The following ANKRD18A variants were observed in gnomAD, a reference collection of about 807,000 sequenced individuals.
ANKRD18A encodes ankyrin repeat domain 18A.
In ANKRD18A, 72 loss-of-function variants were observed where a neutral mutation model predicts 110.6. The ratio of observed to expected loss-of-function variants is 0.65; its 90% confidence interval spans 0.54 to 0.79. The LOEUF is 0.79. Among genes scored for constraint, ANKRD18A ranks in the 30% least tolerant of loss-of-function variants. The pLI is 0.00. For missense variants in ANKRD18A, 934 were observed against 1,163.3 expected, an observed-to-expected ratio of 0.80 and a Z score of 2.87; for synonymous variants, 305 against 410.3, an observed-to-expected ratio of 0.74 and a Z score of 3.10.
intron 5 of ANKRD18A, among the ~76,000 whole-genome samples, chr9:38,609,917 A>G (rs114434249): frequency 0.014 from 2,023 of 149,402 alleles, 28 homozygotes; most frequent in African/African-American, 0.033. Context: ...CAGGAACATG[A>G]GCAACATAGT....
chr9:38,591,117 T>A (rs545473454), intron 10 of ANKRD18A, among the ~76,000 whole-genome samples: 43 of 151,770 alleles, frequency 2.8e-4, no homozygotes, highest in Admixed American at 2.6e-3. Context: ...TGCACCACCA[T>A]GCCCCAGCTG....
chr9:38,576,128 C>T (rs905665982), intron 14 of ANKRD18A, among the ~76,000 whole-genome samples: 30 of 152,178 alleles, frequency 2.0e-4, no homozygotes, highest in Admixed American at 6.5e-5. Context: ...TATATGAAAA[C>T]ATCATGTTGT....
chr9:38,617,465 A>G (rs1167283305), intron 1 of ANKRD18A, among the ~76,000 whole-genome samples: 3 of 152,106 alleles, frequency 2.0e-5, no homozygotes, highest in African/African-American at 7.2e-5. Flanking sequence ...ACAAACAAAC[A>G]AAAAGAAACG....
chr9:38,578,765 A>G (rs1237443692), intron 12 of ANKRD18A, among the ~76,000 whole-genome samples: 1 of 152,112 alleles, frequency 6.6e-6, no homozygotes, highest in East Asian at 1.9e-4. Context: ...AGGCCTGTAG[A>G]CCCAGCTAGT....
chr9:38,572,817 A>C (rs886400314), intron 15 of ANKRD18A: 34 of 199,840 alleles, frequency 1.7e-4, no homozygotes, highest in Middle Eastern at 1.8e-3. Context: ...GAGGATGGCA[A>C]AAGTGAACAA....
intron 14 of ANKRD18A, 87 bp downstream of exon 14, chr9:38,576,966 C>T (rs1823919857): frequency 8.7e-7 from 1 of 1,145,648 alleles, no homozygotes; most frequent in Non-Finnish European, 1.2e-6. Flanking sequence ...TCCTACTGAT[C>T]TCCTGAAGCC....
intron 1 of ANKRD18A, among the ~76,000 whole-genome samples, chr9:38,619,159 A>G (rs1213108399): frequency 2.0e-5 from 3 of 152,104 alleles, no homozygotes; most frequent in Admixed American, 6.6e-5. Context: ...CTTTGTTAAC[A>G]TAAAATGTAC....
downstream of ANKRD18A, among the ~76,000 whole-genome samples, chr9:38,569,738 T>C (rs184271585): frequency 8.7e-4 from 133 of 152,216 alleles, 1 homozygote; most frequent in African/African-American, 3.2e-3. Context: ...TGCACCCAGG[T>C]CCTCATCACT....
intron 3 of ANKRD18A, among the ~76,000 whole-genome samples, chr9:38,615,002 A>G (rs1049827090): frequency 6.6e-6 from 1 of 152,230 alleles, no homozygotes; most frequent in African/African-American, 2.4e-5. Context: ...TCTTTTTACC[A>G]AACCAAAAAT....
chr9:38,613,516 G>C (rs1825730357), intron 3 of ANKRD18A, among the ~76,000 whole-genome samples: 1 of 151,886 alleles, frequency 6.6e-6, no homozygotes, highest in Non-Finnish European at 1.5e-5. Flanking sequence ...AAAAATTGCT[G>C]TTAACACTCA....
At chr9:38,582,287 A>C (rs1376971301) in intron 12 of ANKRD18A, among the ~76,000 whole-genome samples, 1 of 152,238 alleles carries the variant, frequency 6.6e-6, no homozygotes, top group Non-Finnish European at 1.5e-5. Flanking sequence ...CAAATGGAGA[A>C]AAAAAGAAAT....
intron 13 of ANKRD18A, 22 bp downstream of exon 13, chr9:38,577,845 T>G: frequency 6.4e-7 from 1 of 1,570,532 alleles, no homozygotes. Context: ...ACAGATAAAC[T>G]TACCTGATTT....
chr9:38,596,649 A>G (rs898613488), intron 8 of ANKRD18A, among the ~76,000 whole-genome samples: 2 of 152,204 alleles, frequency 1.3e-5, no homozygotes, highest in African/African-American at 4.8e-5. Context: ...AGAATTTTTA[A>G]GAATATCAGA....
In ANKRD18A at chr9:38,596,145, C is replaced by A. The variant is rs1237399792; in HGVS notation, c.1195G>T (p.Ala399Ser). The change falls in exon 9 of 16, where the codon GCA becomes TCA. Residue 399 changes from alanine to serine, a missense_variant. By Grantham distance (99) the Ala-to-Ser change is moderately conservative. This residue lies in a region of ANKRD18A where 630 missense variants were observed against 797.5 expected (regional missense o/e 0.79). Coordinates refer to ENST00000399703, the MANE Select transcript of ANKRD18A (RefSeq NM_147195.4). ...QQLNDLKAEN[A>S]RLNSELEKEK... is the part of the protein sequence containing the mutation. ...TTCTCCAATTCTGAATTCAGCCTTG[C>A]ATTCTCAGCTTTCAGATCATTAAGC... is the stretch of plus-strand genomic sequence containing the variant. 4 of 1,549,284 alleles carry A rather than the reference C, an allele frequency of 2.6e-6. No homozygotes were observed. The highest frequency in any genetic ancestry group is 2.6e-6 in the Non-Finnish European group (3 of 1,146,270).
chr9:38,602,134 C>T (rs1420347165), intron 7 of ANKRD18A, among the ~76,000 whole-genome samples: 1 of 150,272 alleles, frequency 6.7e-6, no homozygotes, highest in Non-Finnish European at 1.5e-5. Context: ...TGTCACTTCA[C>T]CATCTGAGCT....
chr9:38,605,395 T>C lies in ANKRD18A; in HGVS notation c.808+2031A>G, dbSNP rs1825308212. Reference sequence around the variant, plus strand: ...ACCTTAAAGACAAAAACTATGTCAATTCCATCTTTGTCTCCTGCAATTTGC... The same window carrying C: ...ACCTTAAAGACAAAAACTATGTCAACTCCATCTTTGTCTCCTGCAATTTGC... On this transcript the variant is annotated intron_variant, in intron 6 of 15. Coordinates refer to ENST00000399703, the MANE Select transcript of ANKRD18A (RefSeq NM_147195.4). Among the ~76,000 whole-genome samples, 3 of 152,232 alleles carry C rather than the reference T, an allele frequency of 2.0e-5. No individual in the cohort carries two copies. In the South Asian group the frequency reaches 6.2e-4, roughly 32 times the overall value.
chr9:38,595,810 G>T lies in ANKRD18A; in HGVS notation c.1530C>A (p.Asp510Glu), dbSNP rs1029716726. The T allele has an allele frequency of 1.7e-5, 26 of 1,550,860 alleles. No individual in the cohort carries two copies. The African/African-American group carries it at 3.4e-4, about 20-fold the overall frequency. ...TTATTCGATGCTGTGCTTGCCTTAG[G>T]TCCAGCTGTACACTTCCTAAAGCCA... ...KTLALGSVQL[D>E]LRQAQHRIKE... is the part of the protein sequence containing the mutation. Residue 510 changes from aspartate (D) to glutamate (E), a missense_variant, in exon 9 of 16, where the codon GAC (aspartate) becomes GAA (glutamate). Physicochemically the swap from Asp to Glu is conservative, Grantham distance 45 (BLOSUM62 2). Around this residue, in one of 4 missense-constraint regions of ANKRD18A, gnomAD observed 630 missense variants for 797.5 expected, o/e 0.79. Coordinates refer to ENST00000399703, the MANE Select transcript of ANKRD18A (RefSeq NM_147195.4).
chr9:38,602,111 T>C lies in ANKRD18A; in HGVS notation c.863-907A>G, dbSNP rs961819965. On this transcript the variant is annotated intron_variant, in intron 7 of 15. Coordinates refer to ENST00000399703, the MANE Select transcript of ANKRD18A (RefSeq NM_147195.4). ...TTCTTGGGGCTCCCTTCGTACTTTT[T>C]GAATTTTTCTAGTGTCACTTCACCA... Among the ~76,000 whole-genome samples the C allele has an allele frequency of 8.0e-5, 12 of 150,690 alleles. No individual in the cohort carries two copies. In the East Asian group the frequency reaches 2.3e-3, roughly 29 times the overall value.
Position 38,576,107 on chromosome 9 carries a change from C to G in ANKRD18A, c.2742-409G>C, listed in dbSNP as rs574087983. On this transcript the variant is annotated intron_variant, in intron 14 of 15. Coordinates refer to ENST00000399703, the MANE Select transcript of ANKRD18A (RefSeq NM_147195.4). ...TTGCTTGACTATAAGAACTACTTCA[C>G]TATAAATAATTATATGAAAACATCA... Among the ~76,000 whole-genome samples the G allele has an allele frequency of 2.0e-5, 3 of 152,310 alleles. No homozygotes were observed. The South Asian group carries it at 6.2e-4, about 32-fold the overall frequency.
Sources: gnomAD v4.1 joint callset for allele counts (sites outside exome capture counted in the v4.1 genomes callset) on GRCh38, gnomAD v4.1.1 for gene constraint, gnomAD v4.1.1 regional missense constraint, MANE v1.5 for transcripts, NCBI Gene and HGNC (gene_info 2026-07-23, HGNC 2026-07-21) for gene names.